The following ZNF311 variants were observed in gnomAD, a reference collection of about 807,000 sequenced individuals.
The protein encoded by ZNF311 is zinc finger protein 311.
ZNF311 carries 14 observed loss-of-function variants against 22.7 expected under a neutral mutation model. The observed-to-expected ratio is 0.62, with a 90% CI of 0.41 to 0.96. The LOEUF is 0.96. Among genes scored for constraint, ZNF311 ranks in the 40% least tolerant of loss-of-function variants. ZNF311 has a pLI of 0.00. For missense variants in ZNF311, 731 were observed against 799.0 expected (o/e 0.91, Z 1.03); for synonymous variants, 250 against 275.3 (o/e 0.91, Z 0.91).
At chr6:29,000,145 C>T (rs1780242990) in intron 3 of ZNF311, 98 bp from the exon 4 acceptor site, 1 of 1,165,552 alleles carries the variant, frequency 8.6e-7, no homozygotes, top group African/African-American at 1.5e-5. Context: ...GCTTCTGCAG[C>T]TCTAACCTAG....
Position 28,995,545 on chromosome 6 carries a change from C to G in ZNF311, c.1457G>C (p.Arg486Pro), listed in dbSNP as rs149361721. The stretch of plus-strand genomic sequence containing the variant: ...TGTATGCTCTCGTTCATGAGCCCTG[C>G]GCTTACAGTTATGACGAAAGGCTTT... The part of the protein sequence containing the change: ...CGKAFRHNCK[R>P]RAHEREHTGE... Residue 486 changes from arginine to proline, a missense_variant, in exon 7 of 7, where the codon CGC (arginine) becomes CCC (proline). Arg to Pro is a moderately radical substitution (Grantham distance 103, BLOSUM62 -2). Transcript: ENST00000377179. This position sits in a 1 kb window ranked among gnomAD's most constrained non-coding sequence, Gnocchi z 4.7. 1.3e-4 allele frequency: 204 copies of G among 1,613,682 alleles called. 1 individual carries two copies. In the African/African-American group the frequency reaches 2.4e-3, roughly 19 times the overall value.
chr6:28,996,512 A>C lies in ZNF311; in HGVS notation c.490T>G (p.Tyr164Asp), dbSNP rs1401843703. ...QQEIFENGEA[Y>D]WMKFNSLLKV... ...AGGAGACTGTTAAATTTCATCCAGT[A>C]GGCTTCTCCATTTTCAAAAATCTCT... The change falls in exon 7 of 7, where the codon TAC becomes GAC. Residue 164 changes from tyrosine (Y) to aspartate (D), a missense_variant. Tyr to Asp is a radical substitution (Grantham distance 160). Transcript: ENST00000377179. 6.2e-7 allele frequency: 1 copy of C among 1,606,498 alleles called. No homozygotes were observed. Among genetic ancestry groups the C allele is most frequent in the Admixed American group, 1.7e-5 (1 of 59,824 alleles).
intron 3 of ZNF311, among the ~76,000 whole-genome samples, chr6:29,003,097 T>C (rs963766993): frequency 6.6e-6 from 1 of 152,230 alleles, no homozygotes; most frequent in Non-Finnish European, 1.5e-5. Flanking sequence ...TCTGCAGAAG[T>C]AAAATTGTAT....
At chr6:28,999,805 C>A in intron 4 of ZNF311, 151 bp downstream of exon 4, 1 of 1,236,014 alleles carries the variant, frequency 8.1e-7, no homozygotes, top group Non-Finnish European at 1.1e-6. Flanking sequence ...AGAAAACAAC[C>A]CACAAGTGGT....
intron 1 of ZNF311, among the ~76,000 whole-genome samples, 169 bp downstream of exon 1, chr6:29,004,839 C>CT (rs1211789689): frequency 2.0e-5 from 3 of 152,130 alleles, no homozygotes; most frequent in Non-Finnish European, 4.4e-5. Context: ...TCTCTTTCAT[C>CT]TTAGGGCCTT....
intron 3 of ZNF311, 48 bp from the exon 4 acceptor site, chr6:29,000,095 G>A (rs1453944700): frequency 6.5e-7 from 1 of 1,540,008 alleles, no homozygotes; most frequent in Non-Finnish European, 8.9e-7. Flanking sequence ...CAGTATTAAT[G>A]AAATCTCCTG....
In ZNF311 at chr6:29,004,123, G is replaced by GCC; in HGVS notation, c.-171_-170dup. On this transcript the variant is annotated 5_prime_UTR_variant, in exon 2 of 7. It removes the in-frame stop codon of an upstream open reading frame in the 5' UTR. Transcript: ENST00000377179. ...CAAAGGGCCCTTCTTGACCCACAGT[G>GCC]CCGCTACTGTTTGGCTTAATGTGTC... is the stretch of plus-strand genomic sequence containing the variant. 6.5e-7 allele frequency: 1 copy of GCC among 1,534,786 alleles called. No individual in the cohort carries two copies. The highest frequency in any genetic ancestry group is 8.7e-7 in the Non-Finnish European group (1 of 1,144,402).
intron 5 of ZNF311, 97 bp downstream of exon 5, chr6:28,999,390 A>C: frequency 8.6e-7 from 1 of 1,162,206 alleles, no homozygotes; most frequent in Non-Finnish European, 1.1e-6. Flanking sequence ...AAGAATAAGG[A>C]CTCTTTCAAT....
chr6:29,002,402 A>T (rs1400586068), intron 3 of ZNF311, among the ~76,000 whole-genome samples: 5 of 152,108 alleles, frequency 3.3e-5, no homozygotes, highest in Non-Finnish European at 7.4e-5. Flanking sequence ...CTCATTTGTG[A>T]TCCCTTGTAC....
chr6:28,995,589 G>T lies in ZNF311; in HGVS notation c.1413C>A (p.Tyr471Ter), dbSNP rs756610969. The T allele has an allele frequency of 6.2e-7, 1 of 1,613,440 alleles. No individual in the cohort carries two copies. Among genetic ancestry groups the T allele is most frequent in the Admixed American group, 1.7e-5 (1 of 60,004 alleles). Residue 471 changes from tyrosine to a stop codon, truncating the protein, a stop_gained, in exon 7 of 7, where the codon TAC (tyrosine) becomes TAA (stop). Coordinates refer to ENST00000377179, the MANE Select transcript of ZNF311 (RefSeq NM_001382360.1). LOFTEE classifies it low-confidence loss of function (END_TRUNC). This position sits in a 1 kb window ranked among gnomAD's most constrained non-coding sequence, Gnocchi z 4.7. ...AGGCTTTCCCACACTCCTCACACCT[G>T]TAACGTTTCTCTTCAGTGTGGATCC... ...HRRIHTEEKR[Y>*]RCEECGKAFR...
rs761140921 is a variant in ZNF311 at position 28,995,002 on chromosome 6, CA to C, written c.1999del (p.Ter667GlufsTer24). 6.3e-7 allele frequency: 1 copy of C among 1,599,682 alleles called. No homozygotes were observed. Among genetic ancestry groups the C allele is most frequent in the Non-Finnish European group, 8.5e-7 (1 of 1,173,638 alleles). ...TSVVSILTSA[*>X] is the part of the protein sequence containing the mutation. Reference sequence around the variant, plus strand: ...AAAGTAACACCAGAATCGTTATACTCAGGCACTGGTCAAAATACTGACTACT... The same window carrying C: ...AAAGTAACACCAGAATCGTTATACTCGGCACTGGTCAAAATACTGACTACT... On this transcript the variant is annotated frameshift_variant and stop_lost, in exon 7 of 7. Transcript: ENST00000377179. LOFTEE classifies it high-confidence loss of function. The surrounding 1 kb of genome is among the most constrained non-coding windows in gnomAD (Gnocchi z 4.7).
At position 28,995,118 on chromosome 6, in the gene ZNF311, T is replaced by C; in HGVS notation, c.1884A>G (p.Gly628=). 1 of 1,613,994 alleles carries C rather than the reference T, an allele frequency of 6.2e-7. No homozygotes were observed. The highest frequency in any genetic ancestry group is 2.2e-5 in the East Asian group (1 of 44,878). ...KAFRVSSNLT[G]HKKRKHQVWS... Reference sequence around the variant, plus strand: ...ATACTTGATGTTTTCTTTTCTTATGTCCAGTAAGATTTGAGCTCACTCTAA... The same window carrying C: ...ATACTTGATGTTTTCTTTTCTTATGCCCAGTAAGATTTGAGCTCACTCTAA... The change falls in exon 7 of 7, where the codon GGA becomes GGG. Residue 628 remains glycine (G), a synonymous_variant. Coordinates refer to ENST00000377179, the MANE Select transcript of ZNF311 (RefSeq NM_001382360.1). The surrounding 1 kb of genome is among the most constrained non-coding windows in gnomAD (Gnocchi z 4.7).
intron 4 of ZNF311, 112 bp downstream of exon 4, chr6:28,999,844 G>C (rs565634644): frequency 7.7e-7 from 1 of 1,297,502 alleles, no homozygotes; most frequent in South Asian, 1.3e-5. Context: ...TTCCTTATGA[G>C]AGGGAGAACA....
chr6:29,000,307 T>C (rs897700122), intron 3 of ZNF311, among the ~76,000 whole-genome samples: 3 of 152,208 alleles, frequency 2.0e-5, no homozygotes, highest in Non-Finnish European at 4.4e-5. Context: ...CCTGTGGTCT[T>C]TGTCCTGGAA....
intron 6 of ZNF311, among the ~76,000 whole-genome samples, chr6:28,998,212 G>A (rs907469598): frequency 2.1e-5 from 3 of 145,116 alleles, no homozygotes; most frequent in African/African-American, 7.9e-5. Context: ...TGTGTCCCCC[G>A]GGTTGGAGTG....
chr6:29,003,823 G>A, intron 2 of ZNF311, 123 bp downstream of exon 2: 1 of 1,600,478 alleles, frequency 6.2e-7, no homozygotes, highest in Non-Finnish European at 8.5e-7. Flanking sequence ...CAGTATCTAG[G>A]AGGAGACACC....
intron 4 of ZNF311, 77 bp from the exon 5 acceptor site, chr6:28,999,690 T>C: frequency 6.5e-7 from 1 of 1,537,246 alleles, no homozygotes. Context: ...GAAAGGAATT[T>C]GCAAGGAGGA....
Position 28,999,474 on chromosome 6 carries a change from G to C in ZNF311, c.310+13C>G. 6.2e-7 allele frequency: 1 copy of C among 1,603,822 alleles called. No homozygotes were observed. The highest frequency in any genetic ancestry group is 8.5e-7 in the Non-Finnish European group (1 of 1,176,624). On this transcript the variant is annotated intron_variant, in intron 5 of 6. Transcript: ENST00000377179. ...AGAAGGTAGAAAGCATTAAGTGTAG[G>C]GAAGGTCCTTACCAAGTGATACCAT...
intron 3 of ZNF311, 73 bp downstream of exon 3, chr6:29,003,440 T>C: frequency 6.9e-7 from 1 of 1,452,898 alleles, no homozygotes; most frequent in Non-Finnish European, 9.7e-7. Context: ...AGTGTGGCAT[T>C]TTCCACCCAC....
Sources: gnomAD v4.1 joint callset for allele counts (sites outside exome capture counted in the v4.1 genomes callset) on GRCh38, gnomAD v4.1.1 for gene constraint, Gnocchi (gnomAD v3.1) non-coding constraint, MANE v1.5 for transcripts, NCBI Gene and HGNC (gene_info 2026-07-23, HGNC 2026-07-21) for gene names.